The following ANKH variants were observed in gnomAD, a reference collection of about 807,000 sequenced individuals.
The protein encoded by ANKH is mineralization regulator ANKH.
In ANKH, 15 loss-of-function variants were observed where a neutral mutation model predicts 49.0. The ratio of observed to expected loss-of-function variants is 0.31; its 90% CI spans 0.20 to 0.47. The LOEUF is 0.47. Among genes scored for constraint, ANKH ranks in the 20% least tolerant of loss-of-function variants. The pLI, the probability that ANKH is intolerant of heterozygous loss-of-function variation, is 1.00. For synonymous variants in ANKH, 273 were observed against 260.0 expected, an observed-to-expected ratio of 1.05 and a Z score of -0.48; for missense variants, 429 against 652.0, an observed-to-expected ratio of 0.66 and a Z score of 3.72.
chr5:14,761,911 G>A (rs1350190520), intron 2 of ANKH, among the ~76,000 whole-genome samples: 1 of 152,182 alleles, frequency 6.6e-6, no homozygotes, highest in Non-Finnish European at 1.5e-5. Flanking sequence ...GACTACAGAC[G>A]TGTGCCACCA....
At chr5:14,769,922 C>G (rs1328925887) in intron 1 of ANKH, among the ~76,000 whole-genome samples, 1 of 152,178 alleles carries the variant, frequency 6.6e-6, no homozygotes, top group Non-Finnish European at 1.5e-5. Context: ...TTTAACCATC[C>G]TCCAAGAGAG....
intron 8 of ANKH, among the ~76,000 whole-genome samples, chr5:14,736,882 C>G (rs1358218969): frequency 6.6e-6 from 1 of 152,200 alleles, no homozygotes; most frequent in Non-Finnish European, 1.5e-5. Context: ...CAAGCCTGTG[C>G]TTTGCATGGA....
chr5:14,783,330 A>C (rs187012805), intron 1 of ANKH, among the ~76,000 whole-genome samples: 2 of 142,500 alleles, frequency 1.4e-5, no homozygotes, highest in South Asian at 2.3e-4. Context: ...ACACACACAC[A>C]CCACACATGG....
chr5:14,797,516 G>C, intron 1 of ANKH: 1 of 1,611,210 alleles, frequency 6.2e-7, no homozygotes, highest in Middle Eastern at 2.3e-4. Context: ...CAACAGTCTT[G>C]TCAGCTGATC....
intron 1 of ANKH, among the ~76,000 whole-genome samples, chr5:14,793,023 T>TATATATATATAAAAATATATATATAA (rs1740234943): frequency 4.5e-5 from 3 of 66,588 alleles, no homozygotes; most frequent in African/African-American, 1.8e-4. Context: ...TATATATAAA[T>TATATATATATAAAAATATATATATAA]ATATATATAT....
At chr5:14,857,711 T>C (rs968603252) in intron 1 of ANKH, among the ~76,000 whole-genome samples, 1 of 152,068 alleles carries the variant, frequency 6.6e-6, no homozygotes, top group African/African-American at 2.4e-5. Flanking sequence ...ACAATACTTT[T>C]AATAAAACAA....
chr5:14,797,295 A>G lies in ANKH; in HGVS notation c.97-28104T>C. The G allele has an allele frequency of 2.0e-6, 3 of 1,533,888 alleles. No individual in the cohort carries two copies. The South Asian group carries it at 3.4e-5, about 17-fold the overall frequency. ...TATCTTGGCAGTGTGACCACCATGAATAAACAACAACTCTGGTGGCCTGTC... is the reference window on the plus strand; with the variant it reads ...TATCTTGGCAGTGTGACCACCATGAGTAAACAACAACTCTGGTGGCCTGTC... On this transcript the variant is annotated intron_variant, in intron 1 of 11. Coordinates refer to ENST00000284268, the MANE Select transcript of ANKH (RefSeq NM_054027.6).
intron 1 of ANKH, among the ~76,000 whole-genome samples, chr5:14,802,507 G>A (rs185726238): frequency 6.6e-6 from 1 of 152,106 alleles, no homozygotes; most frequent in East Asian, 1.9e-4. Context: ...CAGATGGAGG[G>A]ACCTCTGAAG....
intron 1 of ANKH, among the ~76,000 whole-genome samples, chr5:14,855,849 A>G (rs1369737899): frequency 7.2e-6 from 1 of 138,936 alleles, no homozygotes; most frequent in Admixed American, 7.1e-5. Flanking sequence ...AAAGAAAAAG[A>G]AAAAAAAAAA....
intron 1 of ANKH, among the ~76,000 whole-genome samples, chr5:14,820,543 T>C (rs1303357349): frequency 2.0e-5 from 3 of 152,166 alleles, no homozygotes; most frequent in African/African-American, 7.2e-5. Flanking sequence ...GGGAGATTCT[T>C]ACAAAACTCA....
At position 14,805,283 on chromosome 5, in the gene ANKH, C is replaced by T. The variant is rs1022632849; in HGVS notation, c.97-36092G>A. 5.3e-5 allele frequency among the ~76,000 whole-genome samples: 8 copies of T among 151,658 alleles called. No homozygotes were observed. The East Asian group carries it at 5.9e-4, about 11-fold the overall frequency. On this transcript the variant is annotated intron_variant, in intron 1 of 11. Transcript: ENST00000284268. ...CTCCAAGTTCTTCAGTTTTGGGACT[C>T]GGACTGGCTCTCCTTGCTCCTCAGC...
chr5:14,779,055 G>A (rs1387873029), intron 1 of ANKH, among the ~76,000 whole-genome samples: 2 of 152,158 alleles, frequency 1.3e-5, no homozygotes, highest in Non-Finnish European at 1.5e-5. Flanking sequence ...GAACCCATCA[G>A]GTAGAAACTA....
rs947166148 is a variant in ANKH at position 14,725,977 on chromosome 5, C to A, written c.1012-9142G>T. 2.0e-5 allele frequency among the ~76,000 whole-genome samples: 3 copies of A among 152,058 alleles called. No homozygotes were observed. The highest frequency in any genetic ancestry group is 7.2e-5 in the African/African-American group (3 of 41,386). Reference sequence around the variant, plus strand: ...AAAAACATTTTTAAATAAAACAGACCCCTGTAGATGTCTTCACGGATATCA... The same window carrying A: ...AAAAACATTTTTAAATAAAACAGACACCTGTAGATGTCTTCACGGATATCA... On this transcript the variant is annotated intron_variant, in intron 8 of 11. Transcript: ENST00000284268. The surrounding 1 kb of genome is among the most constrained non-coding windows in gnomAD (Gnocchi z 4.0).
In ANKH at chr5:14,710,326, G is replaced by C. The variant is rs1008266547; in HGVS notation, c.*871C>G. The C allele has an allele frequency of 2.0e-5, 3 of 152,214 alleles. No homozygotes were observed. The highest frequency in any genetic ancestry group is 2.9e-5 in the Non-Finnish European group (2 of 68,036). The allele number at this position is 152,214 out of a possible 1,614,324, so 9.4% of individuals were successfully genotyped here. ...TGCTCCATGTGACTCGCTCTAATGC[G>C]ACCTTCAGGAAAGGCGAGGGAAAAG... On this transcript the variant is annotated 3_prime_UTR_variant, in exon 12 of 12. Coordinates refer to ENST00000284268, the MANE Select transcript of ANKH (RefSeq NM_054027.6).
chr5:14,794,759 C>T (rs879253), intron 1 of ANKH, among the ~76,000 whole-genome samples: 96,426 of 152,132 alleles, frequency 0.63, 31,023 homozygotes, highest in East Asian at 0.84. Context: ...GGCCTTGAGA[C>T]TGGTAAACCA....
At chr5:14,814,140 T>C (rs1002732606) in intron 1 of ANKH, among the ~76,000 whole-genome samples, 4 of 152,266 alleles carry the variant, frequency 2.6e-5, no homozygotes, top group African/African-American at 9.6e-5. Flanking sequence ...AATGTTTTCA[T>C]AGACAATTGC....
chr5:14,816,857 C>T (rs1045830216), intron 1 of ANKH, among the ~76,000 whole-genome samples: 3 of 152,182 alleles, frequency 2.0e-5, no homozygotes, highest in African/African-American at 7.2e-5. Flanking sequence ...AAAAGAAAAA[C>T]ACTCATTTGG....
intron 1 of ANKH, among the ~76,000 whole-genome samples, chr5:14,792,993 T>A (rs1323183841): frequency 7.8e-4 from 71 of 90,578 alleles, no homozygotes; most frequent in South Asian, 2.7e-3. Context: ...TATATAAAAA[T>A]ATATATATAT....
In ANKH at chr5:14,871,557, C is replaced by A. The variant is rs1735829622; in HGVS notation, c.-110G>T. On this transcript the variant is annotated 5_prime_UTR_variant, in exon 1 of 12. Coordinates refer to ENST00000284268, the MANE Select transcript of ANKH (RefSeq NM_054027.6). ...CGAGCGGGGCGCGGGCCGACAGAGG[C>A]CGCGGGCGGCGGGGCCTCGGGCGCG... is the stretch of plus-strand genomic sequence containing the variant. 1 of 619,208 alleles carries A rather than the reference C, an allele frequency of 1.6e-6. No homozygotes were observed. The highest frequency in any genetic ancestry group is 2.2e-6 in the Non-Finnish European group (1 of 460,386). 38.4% of individuals were successfully genotyped at this position (619,208 alleles called of 1,614,324 possible).
Sources: allele counts gnomAD v4.1 joint callset (sites outside exome capture counted in the v4.1 genomes callset), GRCh38; gene constraint gnomAD v4.1.1; non-coding constraint Gnocchi (gnomAD v3.1); transcripts MANE v1.5; gene names NCBI Gene and HGNC (gene_info 2026-07-23, HGNC 2026-07-21).